Variants in TMF1 observed in about 807,000 individuals in gnomAD.
The protein encoded by TMF1 is TATA element modulatory factor 1.
Under a neutral mutation model 126.5 loss-of-function variants are expected in TMF1, and 71 were observed. That is an observed-to-expected ratio of 0.56 (90% CI 0.46 to 0.68). The LOEUF is 0.68. TMF1 is among the 30% of genes least tolerant of loss of function. TMF1 has a pLI of 0.00. For synonymous variants in TMF1, 461 were observed against 430.5 expected (o/e 1.07, Z -0.88); for missense variants, 1,259 against 1,253.2 (o/e 1.00, Z -0.07).
intron 8 of TMF1, among the ~76,000 whole-genome samples, chr3:69,037,308 C>A (rs898219990): frequency 6.6e-6 from 1 of 151,836 alleles, no homozygotes; most frequent in Non-Finnish European, 1.5e-5. Context: ...TCCTGGCTAA[C>A]ACGCTGAAAC....
At position 69,050,502 on chromosome 3, in the gene TMF1, ATACTT is replaced by A. The variant is rs1417190350; in HGVS notation, c.142+1438_142+1442del. Among the ~76,000 whole-genome samples, 6 of 152,314 alleles carry A rather than the reference ATACTT, an allele frequency of 3.9e-5. No homozygotes were observed. The South Asian group carries it at 6.2e-4, about 16-fold the overall frequency. ...AGGAATTAATTTTGCCTCTTGGAGA[ATACTT>A]TATATAATCCCAGGGTTATTTGGTA... On this transcript the variant is annotated intron_variant, in intron 1 of 16. Transcript: ENST00000398559.
At chr3:69,034,945 T>C (rs960539915) in intron 9 of TMF1, 78 bp downstream of exon 9, 50 of 1,281,626 alleles carry the variant, frequency 3.9e-5, no homozygotes, top group Non-Finnish European at 5.4e-5. Context: ...CCATGAACAC[T>C]ATCCCACTGA....
At chr3:69,038,490 C>CTA in intron 8 of TMF1, 74 bp downstream of exon 8, 2 of 1,490,510 alleles carry the variant, frequency 1.3e-6, no homozygotes, top group Non-Finnish European at 1.8e-6. Flanking sequence ...TGATTCAAAC[C>CTA]AGCTAATTGT....
At chr3:69,042,076 G>A (rs567458856) in intron 5 of TMF1, among the ~76,000 whole-genome samples, 165 of 151,568 alleles carry the variant, frequency 1.1e-3, no homozygotes, top group Non-Finnish European at 1.6e-3. Flanking sequence ...TCACTCTGTC[G>A]CCCAGGCTGC....
chr3:69,050,274 CA>C (rs1382603509), intron 1 of TMF1, among the ~76,000 whole-genome samples: 2 of 144,422 alleles, frequency 1.4e-5, no homozygotes, highest in East Asian at 4.0e-4. Flanking sequence ...AAAAAAAAAA[CA>C]AAAAAACAAA....
In TMF1 at chr3:69,047,662, A is replaced by C; in HGVS notation, c.1043T>G (p.Leu348Trp). 6.2e-7 allele frequency: 1 copy of C among 1,614,132 alleles called. No individual in the cohort carries two copies. ...SVSEINSDDE[L>W]SGKGYALVPI... ...CACTAAAGCATATCCCTTGCCTGACAATTCATCATCTGAATTGATTTCACT... is the reference window on the plus strand; with the variant it reads ...CACTAAAGCATATCCCTTGCCTGACCATTCATCATCTGAATTGATTTCACT... Residue 348 changes from leucine (L) to tryptophan (W), a missense_variant, in exon 2 of 17, where the codon TTG becomes TGG. Physicochemically the swap from Leu to Trp is moderately conservative, Grantham distance 61. Coordinates refer to ENST00000398559, the MANE Select transcript of TMF1 (RefSeq NM_007114.3).
chr3:69,048,103 A>G lies in TMF1; in HGVS notation c.602T>C (p.Ile201Thr). 6.2e-7 allele frequency: 1 copy of G among 1,614,212 alleles called. No homozygotes were observed. The highest frequency in any genetic ancestry group is 8.5e-7 in the Non-Finnish European group (1 of 1,180,044). Residue 201 changes from isoleucine (I) to threonine (T), a missense_variant, in exon 2 of 17, where the codon ATT becomes ACT. Ile to Thr is a moderately conservative substitution (Grantham distance 89). Coordinates refer to ENST00000398559, the MANE Select transcript of TMF1 (RefSeq NM_007114.3). ...ACTTTCCATAGTTGTTTTCACATCA[A>G]TTACACTTTCAGATACTTTCAAACT... ...TVSLKVSESV[I>T]DVKTTMESIS...
In TMF1 at chr3:69,038,699, T is replaced by C. The variant is rs377447363; in HGVS notation, c.2016A>G (p.Lys672=). The C allele has an allele frequency of 6.6e-5, 106 of 1,612,186 alleles. No homozygotes were observed. The highest frequency in any genetic ancestry group is 6.0e-4 in the East Asian group (27 of 44,872). Residue 672 remains lysine (K), a synonymous_variant, in exon 8 of 17, where the codon AAA becomes AAG. Transcript: ENST00000398559. ...CCTCACTATCCTTTGCAGCATTGGC[T>C]TTGTGAAGATCAGTAAGTTCTCTTA... is the stretch of plus-strand genomic sequence containing the variant. ...SAYKELTDLH[K]ANAAKDSEAQ...
chr3:69,024,065 GT>G lies in TMF1; in HGVS notation c.3127del (p.Thr1043LeufsTer3), dbSNP rs768851779. ...GTGAAGAATACTTACTCTTAGCTGA[GT>G]TCTAAGTTTGGGTATCTCCTTCACC... ...EKVKEIPKLRTQLRDLDQRYN... is the reference protein window; with the variant it reads ...EKVKEIPKLRXQLRDLDQRYN... On this transcript the variant is annotated frameshift_variant, in exon 16 of 17. Transcript: ENST00000398559. LOFTEE classifies it high-confidence loss of function. 2 of 1,606,336 alleles carry G rather than the reference GT, an allele frequency of 1.2e-6. No homozygotes were observed. Among genetic ancestry groups the G allele is most frequent in the Non-Finnish European group, 1.7e-6 (2 of 1,177,546 alleles).
rs1216616072 is a variant in TMF1 at position 69,025,701 on chromosome 3, A to C, written c.2871T>G (p.His957Gln). The change falls in exon 15 of 17, where the codon CAT becomes CAG. Residue 957 changes from histidine (H) to glutamine (Q), a missense_variant. His to Gln is a conservative substitution (Grantham distance 24, BLOSUM62 0). Coordinates refer to ENST00000398559, the MANE Select transcript of TMF1 (RefSeq NM_007114.3). Reference protein sequence around the residue: ...QTSFLSQDESHDHSFGPMPIS... With the variant: ...QTSFLSQDESQDHSFGPMPIS... ...TAGGCATTGGTCCAAATGAGTGATCATGAGACTCATCCTATGTTAATTAAG... is the reference window on the plus strand; with the variant it reads ...TAGGCATTGGTCCAAATGAGTGATCCTGAGACTCATCCTATGTTAATTAAG... 2 of 1,613,488 alleles carry C rather than the reference A, an allele frequency of 1.2e-6. No homozygotes were observed. Among genetic ancestry groups the C allele is most frequent in the Admixed American group, 3.3e-5 (2 of 59,910 alleles).
At chr3:69,047,329 TA>T (rs759131376) in intron 2 of TMF1, 28 bp downstream of exon 2, 1 of 1,524,568 alleles carries the variant, frequency 6.6e-7, no homozygotes, top group East Asian at 2.3e-5. Context: ...AAAGCACATC[TA>T]AAAATCCCTT....
chr3:69,035,307 T>C, intron 8 of TMF1, 192 bp from the exon 9 acceptor site: 1 of 561,148 alleles, frequency 1.8e-6, no homozygotes, highest in Non-Finnish European at 3.1e-6. Context: ...TATTCAATGT[T>C]TACTTAGAAA....
intron 15 of TMF1, 110 bp downstream of exon 15, chr3:69,025,450 A>G (rs1160444707): frequency 2.7e-6 from 3 of 1,103,392 alleles, no homozygotes; most frequent in South Asian, 1.6e-5. Flanking sequence ...ACATGCCACT[A>G]TGTCATCTTG....
chr3:69,051,056 G>A (rs965328117), intron 1 of TMF1, among the ~76,000 whole-genome samples: 1 of 152,080 alleles, frequency 6.6e-6, no homozygotes, highest in Non-Finnish European at 1.5e-5. Context: ...TAATACCTCC[G>A]GCACATTCTA....
intron 10 of TMF1, among the ~76,000 whole-genome samples, chr3:69,031,534 G>T (rs1169169992): frequency 6.6e-6 from 1 of 152,052 alleles, no homozygotes; most frequent in Admixed American, 6.6e-5. Context: ...CATTAATTTT[G>T]TAAGATTTTA....
chr3:69,043,930 T>C (rs1480024337), intron 3 of TMF1, 54 bp from the exon 4 acceptor site: 1 of 1,408,284 alleles, frequency 7.1e-7, no homozygotes, highest in Non-Finnish European at 9.6e-7. Context: ...ATCCCAAAGG[T>C]ATACATGAGT....
In TMF1 at chr3:69,027,989, A is replaced by C. The variant is rs200412103; in HGVS notation, c.2668T>G (p.Leu890Val). The change falls in exon 13 of 17, where the codon TTG (leucine) becomes GTG (valine). Residue 890 changes from leucine to valine, a missense_variant. Leu to Val is a conservative substitution (Grantham distance 32). Coordinates refer to ENST00000398559, the MANE Select transcript of TMF1 (RefSeq NM_007114.3). ...TLEETRKEKT[L>V]LNSQLEMERM... Reference sequence around the variant, plus strand: ...TCCATTTCTAACTGACTATTCAACAATGTCTAATAGAGAGAAATAAAGTTA... The same window carrying C: ...TCCATTTCTAACTGACTATTCAACACTGTCTAATAGAGAGAAATAAAGTTA... 84 of 1,538,082 alleles carry C rather than the reference A, an allele frequency of 5.5e-5. No individual in the cohort carries two copies. The highest frequency in any genetic ancestry group is 7.1e-5 in the Non-Finnish European group (79 of 1,114,584).
rs780141154 is a variant in TMF1 at position 69,048,487 on chromosome 3, G to A, written c.218C>T (p.Pro73Leu). The change falls in exon 2 of 17, where the codon CCA becomes CTA. Residue 73 changes from proline (P) to leucine (L), a missense_variant. By Grantham distance (98) the Pro-to-Leu change is moderately conservative. Transcript: ENST00000398559. ...GATTGCTTTAGGAGAGGCTATTGGTGGACTCTGAGGTTCAGTGTTTGATTT... is the reference window on the plus strand; with the variant it reads ...GATTGCTTTAGGAGAGGCTATTGGTAGACTCTGAGGTTCAGTGTTTGATTT... ...GLKSNTEPQSPPIASPKAITK... is the reference protein window; with the variant it reads ...GLKSNTEPQSLPIASPKAITK... 6.2e-7 allele frequency: 1 copy of A among 1,614,068 alleles called. No individual in the cohort carries two copies. The highest frequency in any genetic ancestry group is 8.5e-7 in the Non-Finnish European group (1 of 1,180,004).
Position 69,025,745 on chromosome 3 carries a change from C to G in TMF1, c.2860-33G>C, listed in dbSNP as rs1387899687. On this transcript the variant is annotated intron_variant, in intron 14 of 16. Transcript: ENST00000398559. Reference sequence around the variant, plus strand: ...AATTAAGAAAGTTCACACAGTTACTCAGTTATCATAGCTTGTCTTCCATTA... The same window carrying G: ...AATTAAGAAAGTTCACACAGTTACTGAGTTATCATAGCTTGTCTTCCATTA... 6.9e-6 allele frequency: 11 copies of G among 1,592,786 alleles called. No homozygotes were observed. The African/African-American group carries it at 1.3e-4, about 20-fold the overall frequency.
Sources: allele counts gnomAD v4.1 joint callset (sites outside exome capture counted in the v4.1 genomes callset), GRCh38; gene constraint gnomAD v4.1.1; transcripts MANE v1.5; gene names NCBI Gene and HGNC (gene_info 2026-07-23, HGNC 2026-07-21).